The following GNA12 variants were observed in gnomAD, a reference collection of about 807,000 sequenced individuals.
The protein encoded by GNA12 is G protein subunit alpha 12.
In GNA12, 9 loss-of-function variants were observed where a neutral mutation model predicts 26.0. The observed-to-expected ratio is 0.35, with a 90% CI of 0.21 to 0.60. GNA12 has a LOEUF of 0.60. Among genes scored for constraint, GNA12 ranks in the 20% least tolerant of loss-of-function variants. The probability of loss-of-function intolerance (pLI) is 0.78; values close to 1 mark genes in which losing one functional copy is unlikely to be tolerated. For synonymous variants in GNA12, 264 were observed against 219.6 expected (o/e 1.20, Z -1.79); for missense variants, 405 against 525.8 (o/e 0.77, Z 2.25).
At chr7:2,733,360 G>A (rs1789996565) in intron 3 of GNA12, 91 bp downstream of exon 3, 8 of 1,038,484 alleles carry the variant, frequency 7.7e-6, no homozygotes, top group Non-Finnish European at 1.2e-5. Flanking sequence ...TGTCAGTCCA[G>A]CCAAAGTCCT....
At chr7:2,795,393 G>A (rs1353961879) in intron 1 of GNA12, among the ~76,000 whole-genome samples, 1 of 152,060 alleles carries the variant, frequency 6.6e-6, no homozygotes, top group Admixed American at 6.5e-5. Flanking sequence ...CCCTTTGGGA[G>A]GCCAAAGAGG....
chr7:2,792,941 T>G (rs1583286472), intron 2 of GNA12, among the ~76,000 whole-genome samples: 2 of 152,234 alleles, frequency 1.3e-5, no homozygotes, highest in Non-Finnish European at 2.9e-5. Flanking sequence ...GACTTCCCAG[T>G]GGAGAAAGGT....
chr7:2,843,921 G>A lies in GNA12; in HGVS notation c.241C>T (p.His81Tyr), dbSNP rs769533838. The change falls in exon 1 of 4, where the codon CAC (histidine) becomes TAC (tyrosine). Residue 81 changes from histidine (H) to tyrosine (Y), a missense_variant. Coordinates refer to ENST00000275364, the MANE Select transcript of GNA12 (RefSeq NM_007353.3). ...GCCTTCTGGTCGAACTCGCGGCCGT[G>A]GATGATGCGCATCTGCTTGAGGAAC... ...STFLKQMRII[H>Y]GREFDQKALL... 5.0e-6 allele frequency: 8 copies of A among 1,590,090 alleles called. No individual in the cohort carries two copies. Among genetic ancestry groups the A allele is most frequent in the African/African-American group, 2.8e-5 (2 of 72,566 alleles).
At chr7:2,816,105 A>G (rs1436038039) in intron 1 of GNA12, among the ~76,000 whole-genome samples, 1 of 152,222 alleles carries the variant, frequency 6.6e-6, no homozygotes, top group Non-Finnish European at 1.5e-5. Context: ...TCGCAGGGAA[A>G]ACGGTAAACA....
At chr7:2,776,401 C>T (rs1272322640) in intron 2 of GNA12, among the ~76,000 whole-genome samples, 2 of 152,340 alleles carry the variant, frequency 1.3e-5, no homozygotes, top group African/African-American at 2.4e-5. Context: ...CACTGTACAT[C>T]CCACGGTGTC....
intron 1 of GNA12, among the ~76,000 whole-genome samples, chr7:2,824,166 G>C (rs1793428171): frequency 6.6e-6 from 1 of 152,188 alleles, no homozygotes; most frequent in Non-Finnish European, 1.5e-5. Flanking sequence ...CACAGATCAG[G>C]ATGACAGCCT....
At chr7:2,787,418 C>T (rs781499590) in intron 2 of GNA12, among the ~76,000 whole-genome samples, 5 of 152,206 alleles carry the variant, frequency 3.3e-5, no homozygotes, top group Admixed American at 6.5e-5. Context: ...CGAGCTGTCG[C>T]CTGTCACCCA....
At chr7:2,795,350 T>G (rs1792632266) in intron 1 of GNA12, among the ~76,000 whole-genome samples, 1 of 151,944 alleles carries the variant, frequency 6.6e-6, no homozygotes, top group African/African-American at 2.4e-5. Context: ...CAGACGCACA[T>G]GGCCGAGAGC....
chr7:2,744,595 T>C (rs1180990179), intron 2 of GNA12, among the ~76,000 whole-genome samples: 1 of 151,836 alleles, frequency 6.6e-6, no homozygotes, highest in Non-Finnish European at 1.5e-5. Flanking sequence ...AACTGGAAAC[T>C]CTAAAAATCA....
intron 1 of GNA12, among the ~76,000 whole-genome samples, chr7:2,841,802 T>C (rs1778995969): frequency 6.6e-6 from 1 of 152,140 alleles, no homozygotes; most frequent in South Asian, 2.1e-4. Context: ...GTGATACAAA[T>C]GTACCCGATA....
chr7:2,745,510 C>G (rs1268308303), intron 2 of GNA12, among the ~76,000 whole-genome samples: 3 of 152,188 alleles, frequency 2.0e-5, no homozygotes, highest in African/African-American at 7.2e-5. Flanking sequence ...AAAAGAACTC[C>G]TGAAGGAAGT....
intron 2 of GNA12, among the ~76,000 whole-genome samples, chr7:2,784,495 T>A (rs75393741): frequency 0.018 from 2,667 of 152,316 alleles, 40 homozygotes; most frequent in Middle Eastern, 0.065. Flanking sequence ...AGAATAACAC[T>A]TTATGTTTTG....
chr7:2,816,152 T>G (rs1793212988), intron 1 of GNA12, among the ~76,000 whole-genome samples: 2 of 152,146 alleles, frequency 1.3e-5, no homozygotes, highest in Admixed American at 1.3e-4. Context: ...GATCAGCAAT[T>G]ATGGTAAGTA....
intron 2 of GNA12, among the ~76,000 whole-genome samples, chr7:2,750,685 C>A (rs1209638622): frequency 6.6e-6 from 1 of 152,188 alleles, no homozygotes; most frequent in African/African-American, 2.4e-5. Context: ...GAAGGTGAAG[C>A]CACGGACACG....
Position 2,761,331 on chromosome 7 carries a change from G to A in GNA12, c.526-27830C>T, listed in dbSNP as rs1791544392. Reference sequence around the variant, plus strand: ...GCTCACAGAGCCGTCTGCTGGCTATGCCTAGAGGCACGGGGTGGGCACGCA... The same window carrying A: ...GCTCACAGAGCCGTCTGCTGGCTATACCTAGAGGCACGGGGTGGGCACGCA... On this transcript the variant is annotated intron_variant, in intron 2 of 3. Transcript: ENST00000275364. Among the ~76,000 whole-genome samples, 3 of 152,328 alleles carry A rather than the reference G, an allele frequency of 2.0e-5. No homozygotes were observed. The South Asian group carries it at 6.2e-4, about 32-fold the overall frequency.
chr7:2,830,695 T>TCCCA (rs1166934975), intron 1 of GNA12, among the ~76,000 whole-genome samples: 1 of 152,094 alleles, frequency 6.6e-6, no homozygotes, highest in Non-Finnish European at 1.5e-5. Context: ...AAAGTGAGAA[T>TCCCA]CCCACCCATC....
intron 1 of GNA12, chr7:2,815,262 G>T: frequency 4.1e-6 from 1 of 244,868 alleles, no homozygotes; most frequent in South Asian, 6.1e-5. Context: ...GCTTAAATGA[G>T]GGCTGTTGGG....
chr7:2,761,007 A>T (rs17132663), intron 2 of GNA12, among the ~76,000 whole-genome samples: 1 of 152,320 alleles, frequency 6.6e-6, no homozygotes, highest in African/African-American at 2.4e-5. Flanking sequence ...GTTCATGGGT[A>T]GTTTTGGGAC....
At chr7:2,743,220 C>T (rs182623581) in intron 2 of GNA12, among the ~76,000 whole-genome samples, 1 of 152,196 alleles carries the variant, frequency 6.6e-6, no homozygotes, top group Non-Finnish European at 1.5e-5. Flanking sequence ...CTGCTGTGAT[C>T]TAAGCAACCA....
Sources: allele counts gnomAD v4.1 joint callset (sites outside exome capture counted in the v4.1 genomes callset), GRCh38; gene constraint gnomAD v4.1.1; transcripts MANE v1.5; gene names NCBI Gene and HGNC (gene_info 2026-07-23, HGNC 2026-07-21).